Variants in PLXNA4 observed in about 807,000 individuals in gnomAD.
PLXNA4 encodes the protein plexin-A4.
PLXNA4 carries 44 observed loss-of-function variants against 191.8 expected under a neutral mutation model. The observed-to-expected ratio is 0.23, with a 90% confidence interval of 0.18 to 0.29. PLXNA4 has a LOEUF of 0.29. PLXNA4 is among the 10% of genes least tolerant of loss of function. PLXNA4 has a pLI of 1.00. For missense variants in PLXNA4, 1,800 were observed against 2,488.8 expected (o/e 0.72, Z 5.89); for synonymous variants, 1,082 against 1,009.5 (o/e 1.07, Z -1.36).
At chr7:132,176,961 G>A (rs3734996) in intron 20 of PLXNA4, among the ~76,000 whole-genome samples, 72,102 of 151,768 alleles carry the variant, frequency 0.48, 17,296 homozygotes, top group African/African-American at 0.55. Flanking sequence ...AGTTGAGTGC[G>A]TGAGTGTATG....
At chr7:132,513,768 G>A (rs1006738299) in intron 1 of PLXNA4, among the ~76,000 whole-genome samples, 13 of 151,964 alleles carry the variant, frequency 8.6e-5, no homozygotes, top group African/African-American at 3.1e-4. Context: ...CACCTCCCAG[G>A]GGTTCAAGTG....
rs184154749 is a variant in PLXNA4 at position 132,231,927 on chromosome 7, G to A, written c.1605-3458C>T. Among the ~76,000 whole-genome samples the A allele has an allele frequency of 1.1e-4, 17 of 152,324 alleles. No homozygotes were observed. The East Asian group carries it at 3.3e-3, about 29-fold the overall frequency. On this transcript the variant is annotated intron_variant, in intron 5 of 31. Transcript: ENST00000321063. ...GTATTGAGAACTCAGCTATCTTAGT[G>A]GAAAGTCAAGTGTAAGGTCAGAGCC...
At chr7:132,638,214 G>A (rs746034593) in intron 2 of PLXNA4, among the ~76,000 whole-genome samples, 5 of 152,298 alleles carry the variant, frequency 3.3e-5, no homozygotes, top group East Asian at 1.9e-4. Context: ...CCTCTATCAC[G>A]GGCAGCTCTC....
chr7:132,280,655 G>A (rs971123904), intron 4 of PLXNA4, among the ~76,000 whole-genome samples: 55 of 152,142 alleles, frequency 3.6e-4, no homozygotes, highest in African/African-American at 1.3e-3. Context: ...AAATTACCAA[G>A]GAATAGAAAG....
At chr7:132,391,676 C>G (rs1347099783) in intron 3 of PLXNA4, among the ~76,000 whole-genome samples, 2 of 152,148 alleles carry the variant, frequency 1.3e-5, no homozygotes, top group Admixed American at 1.3e-4. Context: ...AGTGGGGAAC[C>G]AGTGTGAATT....
At chr7:132,544,286 A>T (rs146557112) in intron 1 of PLXNA4, among the ~76,000 whole-genome samples, 24 of 152,338 alleles carry the variant, frequency 1.6e-4, no homozygotes, top group African/African-American at 5.1e-4. Flanking sequence ...AGATGATTTC[A>T]TATGAGAATA....
intron 25 of PLXNA4, among the ~76,000 whole-genome samples, chr7:132,157,658 G>C (rs577304172): frequency 6.6e-6 from 1 of 152,258 alleles, no homozygotes; most frequent in Admixed American, 6.5e-5. Context: ...GCCCCACTCT[G>C]TCTGGACTCT....
chr7:132,479,540 G>A (rs1241331699), intron 3 of PLXNA4, among the ~76,000 whole-genome samples: 1 of 152,254 alleles, frequency 6.6e-6, no homozygotes, highest in East Asian at 1.9e-4. Context: ...CCGCACCTTA[G>A]TGAGCCCGGG....
intron 3 of PLXNA4, among the ~76,000 whole-genome samples, chr7:132,392,669 T>C (rs1465259500): frequency 6.6e-6 from 1 of 152,216 alleles, no homozygotes; most frequent in Non-Finnish European, 1.5e-5. Flanking sequence ...GTATGCCCTG[T>C]TTCACAGTTA....
At chr7:132,168,006 A>G (rs1796171115) in intron 22 of PLXNA4, among the ~76,000 whole-genome samples, 1 of 152,196 alleles carries the variant, frequency 6.6e-6, no homozygotes, top group African/African-American at 2.4e-5. Flanking sequence ...ATGAGAGGAG[A>G]TTGCAGTAGA....
At chr7:132,411,667 T>C (rs1004674) in intron 3 of PLXNA4, among the ~76,000 whole-genome samples, 16,654 of 152,146 alleles carry the variant, frequency 0.11, 1,583 homozygotes, top group African/African-American at 0.23. Context: ...TCAGTAAACA[T>C]TGAGGAACAA....
At chr7:132,356,673 T>C (rs1422835436) in intron 3 of PLXNA4, among the ~76,000 whole-genome samples, 5 of 152,298 alleles carry the variant, frequency 3.3e-5, no homozygotes, top group East Asian at 1.9e-4. Context: ...AAGGACACAG[T>C]TGGATAATTA....
intron 3 of PLXNA4, among the ~76,000 whole-genome samples, chr7:132,375,104 C>G (rs1196146311): frequency 6.6e-6 from 1 of 152,176 alleles, no homozygotes; most frequent in Non-Finnish European, 1.5e-5. Context: ...CATCTATGTG[C>G]CTTTTTCCAA....
At chr7:132,494,295 C>T (rs187403104) in intron 2 of PLXNA4, among the ~76,000 whole-genome samples, 184 of 152,310 alleles carry the variant, frequency 1.2e-3, no homozygotes, top group South Asian at 4.8e-3. Flanking sequence ...GGAGACTGAG[C>T]GCTATTCATT....
In PLXNA4 at chr7:132,457,529, A is replaced by G. The variant is rs527918914; in HGVS notation, c.1371+31763T>C. ...GTAGGTTCTGAGGATGACATGGTGA[A>G]AGTGGAGAGAAAATACCTCCCTGTG... On this transcript the variant is annotated intron_variant, in intron 3 of 31. Coordinates refer to ENST00000321063, the MANE Select transcript of PLXNA4 (RefSeq NM_020911.2). Among the ~76,000 whole-genome samples, 12 of 152,294 alleles carry G rather than the reference A, an allele frequency of 7.9e-5. No individual in the cohort carries two copies. The East Asian group carries it at 2.1e-3, about 27-fold the overall frequency.
chr7:132,530,578 CAG>C (rs1799582280), intron 1 of PLXNA4, among the ~76,000 whole-genome samples: 1 of 152,064 alleles, frequency 6.6e-6, no homozygotes, highest in Non-Finnish European at 1.5e-5. Context: ...ATCAAGAAAA[CAG>C]AAAGTAACAA....
intron 3 of PLXNA4, among the ~76,000 whole-genome samples, chr7:132,333,871 C>G (rs1802698282): frequency 6.6e-6 from 1 of 152,222 alleles, no homozygotes; most frequent in Non-Finnish European, 1.5e-5. Flanking sequence ...TTCCAACCAC[C>G]AGCCCTGCTG....
chr7:132,133,203 T>G lies in PLXNA4; in HGVS notation c.5439-4A>C. 6.2e-7 allele frequency: 1 copy of G among 1,613,764 alleles called. No homozygotes were observed. The highest frequency in any genetic ancestry group is 8.5e-7 in the Non-Finnish European group (1 of 1,179,876). Reference sequence around the variant, plus strand: ...CTTCCCTATGTCTGAGTAATACCTGTGGAGGGATGGAAATAGGGAGAAGCT... The same window carrying G: ...CTTCCCTATGTCTGAGTAATACCTGGGGAGGGATGGAAATAGGGAGAAGCT... On this transcript the variant is annotated splice_region_variant and splice_polypyrimidine_tract_variant and intron_variant, in intron 30 of 31. Transcript: ENST00000321063.
In PLXNA4 at chr7:132,143,544, A is replaced by ATT. The variant is rs557359775; in HGVS notation, c.5225+1573_5225+1574dup. ...GACCGAGAGAAGTTCTGGGCAGAGC[A>ATT]TTTTTTTTTAAAAATTTCCTGAAGG... is the stretch of plus-strand genomic sequence containing the variant. On this transcript the variant is annotated intron_variant, in intron 29 of 31. Coordinates refer to ENST00000321063, the MANE Select transcript of PLXNA4 (RefSeq NM_020911.2). Among the ~76,000 whole-genome samples the ATT allele has an allele frequency of 1.5e-4, 23 of 152,052 alleles. No individual in the cohort carries two copies. In the South Asian group the frequency reaches 1.7e-3, roughly 11 times the overall value.
Sources: gnomAD v4.1 joint callset for allele counts (sites outside exome capture counted in the v4.1 genomes callset) on GRCh38, gnomAD v4.1.1 for gene constraint, MANE v1.5 for transcripts, NCBI Gene and HGNC (gene_info 2026-07-23, HGNC 2026-07-21) for gene names.